GAN: variants seen among roughly 807,000 people sequenced by gnomAD.
GAN encodes gigaxonin.
In GAN, 48 loss-of-function variants were observed where a neutral mutation model predicts 71.3. That is an observed-to-expected ratio of 0.67 (90% CI 0.53 to 0.86). GAN has a LOEUF of 0.86. Ranked by LOEUF, GAN falls within the 40% of genes least tolerant of loss-of-function variation. The pLI, the probability that GAN is intolerant of heterozygous loss-of-function variation, is 0.00. For synonymous variants in GAN, 386 were observed against 276.8 expected (o/e 1.39, Z -3.92); for missense variants, 928 against 770.1 (o/e 1.21, Z -2.43).
At chr16:81,315,609 G>A (rs1410501646) in intron 1 of GAN, among the ~76,000 whole-genome samples, 1 of 152,108 alleles carries the variant, frequency 6.6e-6, no homozygotes, top group Non-Finnish European at 1.5e-5. Flanking sequence ...GAGACCCTGA[G>A]GCCCCCAGAC....
intron 5 of GAN, among the ~76,000 whole-genome samples, chr16:81,361,319 C>T (rs1382714097): frequency 1.3e-5 from 2 of 152,164 alleles, no homozygotes; most frequent in African/African-American, 4.8e-5. Flanking sequence ...GATTAAGGTC[C>T]TTCTACAGAA....
intron 2 of GAN, among the ~76,000 whole-genome samples, 153 bp from the exon 3 acceptor site, chr16:81,354,252 A>AG: frequency 6.6e-6 from 1 of 152,180 alleles, no homozygotes; most frequent in East Asian, 1.9e-4. Flanking sequence ...AAAAAAAAAA[A>AG]AAAATGCTGG....
intron 9 of GAN, among the ~76,000 whole-genome samples, chr16:81,365,739 T>C (rs1910835232): frequency 1.3e-5 from 2 of 151,716 alleles, no homozygotes; most frequent in Admixed American, 1.3e-4. Context: ...CCCTATAGCT[T>C]TTAGGAAAAA....
intron 9 of GAN, among the ~76,000 whole-genome samples, chr16:81,370,121 C>T (rs1358042446): frequency 6.6e-6 from 1 of 152,200 alleles, no homozygotes. Context: ...ACAGCCTTGC[C>T]TCAGGGCTGT....
Position 81,377,640 on chromosome 16 carries a change from A to G in GAN, c.*44A>G, listed in dbSNP as rs1358824188. On this transcript the variant is annotated 3_prime_UTR_variant, in exon 11 of 11. Transcript: ENST00000648994. The stretch of plus-strand genomic sequence containing the variant: ...TGCGAGATCCTGACCCAAGAGCACC[A>G]TAACATAGCTCCGAAAGGGAGAGCA... The G allele has an allele frequency of 6.5e-7, 1 of 1,538,766 alleles. No homozygotes were observed. Among genetic ancestry groups the G allele is most frequent in the Non-Finnish European group, 9.0e-7 (1 of 1,111,836 alleles).
intron 1 of GAN, among the ~76,000 whole-genome samples, chr16:81,322,872 C>T (rs2150667701): frequency 6.6e-6 from 1 of 152,340 alleles, no homozygotes; most frequent in South Asian, 2.1e-4. Flanking sequence ...TGAAACCTCA[C>T]ATTTAGGCTG....
chr16:81,350,662 T>C (rs534065074), intron 1 of GAN, among the ~76,000 whole-genome samples: 23 of 152,252 alleles, frequency 1.5e-4, no homozygotes, highest in African/African-American at 5.3e-4. Context: ...ATTGCAGGCG[T>C]ATGCCACCAC....
intron 1 of GAN, among the ~76,000 whole-genome samples, chr16:81,315,570 C>T (rs961264283): frequency 1.3e-5 from 2 of 152,088 alleles, no homozygotes; most frequent in African/African-American, 4.8e-5. Context: ...CCTCCCGGTT[C>T]CCACCGCCGC....
At chr16:81,353,754 T>C (rs2150685114) in intron 2 of GAN, among the ~76,000 whole-genome samples, 1 of 151,924 alleles carries the variant, frequency 6.6e-6, no homozygotes, top group South Asian at 2.1e-4. Context: ...AGTCAGAAAA[T>C]TGAAGAAAAT....
In GAN at chr16:81,377,472, C is replaced by G. The variant is rs774809254; in HGVS notation, c.1670C>G (p.Thr557Ser). 6.2e-6 allele frequency: 10 copies of G among 1,613,966 alleles called. No individual in the cohort carries two copies. The South Asian group carries it at 7.7e-5, about 12-fold the overall frequency. Reference sequence around the variant, plus strand: ...AGAAGCACAGGAACCTGGCACCACACTAAACCACTCCTTCCATCCGACCTT... The same window carrying G: ...AGAAGCACAGGAACCTGGCACCACAGTAAACCACTCCTTCCATCCGACCTT... ...FKRSTGTWHH[T>S]KPLLPSDLRR... is the part of the protein sequence containing the mutation. The change falls in exon 11 of 11, where the codon ACT becomes AGT. Residue 557 changes from threonine to serine, a missense_variant. Coordinates refer to ENST00000648994, the MANE Select transcript of GAN (RefSeq NM_022041.4).
At chr16:81,321,473 T>A (rs1374128092) in intron 1 of GAN, among the ~76,000 whole-genome samples, 1 of 152,212 alleles carries the variant, frequency 6.6e-6, no homozygotes, top group Non-Finnish European at 1.5e-5. Flanking sequence ...TAATTTAGGA[T>A]TGAAGTAAAA....
intron 1 of GAN, among the ~76,000 whole-genome samples, chr16:81,348,413 T>C (rs990108503): frequency 2.6e-5 from 4 of 152,224 alleles, no homozygotes; most frequent in African/African-American, 9.6e-5. Context: ...TTTTTTCTTA[T>C]CAGTTTTGTT....
At chr16:81,326,724 A>G (rs1909401956) in intron 1 of GAN, among the ~76,000 whole-genome samples, 1 of 152,248 alleles carries the variant, frequency 6.6e-6, no homozygotes, top group Non-Finnish European at 1.5e-5. Flanking sequence ...CTTCTAGGCC[A>G]CAGACCTATA....
chr16:81,329,067 G>T (rs957072280), intron 1 of GAN, among the ~76,000 whole-genome samples: 1 of 152,096 alleles, frequency 6.6e-6, no homozygotes, highest in African/African-American at 2.4e-5. Context: ...ACATAATGAT[G>T]ATTTACATGC....
intron 4 of GAN, among the ~76,000 whole-genome samples, chr16:81,357,390 A>T (rs376870835): frequency 1.3e-5 from 2 of 152,134 alleles, no homozygotes; most frequent in East Asian, 3.8e-4. Flanking sequence ...GTTTACTGAG[A>T]ATGATGATTT....
At chr16:81,346,403 C>G (rs1449356102) in intron 1 of GAN, among the ~76,000 whole-genome samples, 1 of 104,248 alleles carries the variant, frequency 9.6e-6, no homozygotes, top group East Asian at 2.2e-4. Flanking sequence ...GGGCCATGGC[C>G]TTAGGACTGG....
rs554452784 is a variant in GAN at position 81,356,353 on chromosome 16, T to C, written c.634-432T>C. ...TTGGCTTTTGTATATTTTTCTTGTA[T>C]TATTAATGTTGATGTCTAAGTTTAC... On this transcript the variant is annotated intron_variant, in intron 3 of 10. Transcript: ENST00000648994. 4.6e-5 allele frequency among the ~76,000 whole-genome samples: 7 copies of C among 152,300 alleles called. No individual in the cohort carries two copies. In the East Asian group the frequency reaches 1.3e-3, roughly 29 times the overall value.
chr16:81,357,846 C>G lies in GAN; in HGVS notation c.888C>G (p.Cys296Trp). Residue 296 changes from cysteine to tryptophan, a missense_variant, in exon 5 of 11, where the codon TGC becomes TGG. Physicochemically the swap from Cys to Trp is radical, Grantham distance 215. Transcript: ENST00000648994. The part of the protein sequence containing the change: ...RKPTAAMRCM[C>W]PLYDPNRQLW... Reference sequence around the variant, plus strand: ...CCACAGCAGCGATGCGATGCATGTGCCCTCTCTATGACCCTAACAGGCAGC... The same window carrying G: ...CCACAGCAGCGATGCGATGCATGTGGCCTCTCTATGACCCTAACAGGCAGC... The G allele has an allele frequency of 3.1e-6, 5 of 1,612,678 alleles. No homozygotes were observed. Among genetic ancestry groups the G allele is most frequent in the Non-Finnish European group, 4.2e-6 (5 of 1,178,654 alleles).
At chr16:81,324,780 A>G (rs1909328079) in intron 1 of GAN, among the ~76,000 whole-genome samples, 1 of 152,184 alleles carries the variant, frequency 6.6e-6, no homozygotes. Context: ...GCAGTGGTGT[A>G]TTTTAAAAGA....
Sources: gnomAD v4.1 joint callset for allele counts (sites outside exome capture counted in the v4.1 genomes callset) on GRCh38, gnomAD v4.1.1 for gene constraint, MANE v1.5 for transcripts, NCBI Gene and HGNC (gene_info 2026-07-23, HGNC 2026-07-21) for gene names.